PAFAH2: variants seen among roughly 807,000 people sequenced by gnomAD.
PAFAH2 encodes the protein platelet activating factor acetylhydrolase 2, also known as platelet-activating factor acetylhydrolase 2, cytoplasmic.
In PAFAH2, 42 loss-of-function variants were observed where a neutral mutation model predicts 49.0. The observed-to-expected ratio is 0.86, with a 90% CI of 0.67 to 1.11. PAFAH2 has a LOEUF of 1.11. Ranked by LOEUF, PAFAH2 falls within the 50% of genes least tolerant of loss-of-function variation. PAFAH2 has a pLI of 0.00. For synonymous variants in PAFAH2, 184 were observed against 181.3 expected, an observed-to-expected ratio of 1.01 and a Z score of -0.12; for missense variants, 503 against 501.8, an observed-to-expected ratio of 1.00 and a Z score of -0.02.
At chr1:25,974,360 A>G (rs574915423) in intron 9 of PAFAH2, 120 bp downstream of exon 9, 26 of 698,058 alleles carry the variant, frequency 3.7e-5, no homozygotes, top group South Asian at 5.8e-5. Flanking sequence ...TTTGCAATTC[A>G]GGAAGTATTC....
chr1:25,962,771 G>A lies in PAFAH2; in HGVS notation c.1085-688C>T, dbSNP rs184104766. On this transcript the variant is annotated intron_variant, in intron 10 of 10. Transcript: ENST00000374282. ...GGCAAGGAGTTGGCGGCAGTGAGCTGTGATAATGCCACTGCACTCCAACCT... is the reference window on the plus strand; with the variant it reads ...GGCAAGGAGTTGGCGGCAGTGAGCTATGATAATGCCACTGCACTCCAACCT... 8.6e-5 allele frequency among the ~76,000 whole-genome samples: 13 copies of A among 151,332 alleles called. No individual in the cohort carries two copies. In the East Asian group the frequency reaches 2.5e-3, roughly 29 times the overall value.
chr1:25,976,582 C>A, intron 8 of PAFAH2, 100 bp downstream of exon 8: 1 of 812,852 alleles, frequency 1.2e-6, no homozygotes, highest in South Asian at 1.6e-5. Flanking sequence ...ATCCTCAGTC[C>A]CTAAACAGTG....
intron 8 of PAFAH2, among the ~76,000 whole-genome samples, chr1:25,976,148 T>C (rs1460951165): frequency 2.0e-5 from 3 of 152,164 alleles, no homozygotes; most frequent in Non-Finnish European, 4.4e-5. Flanking sequence ...TGTTTTCTTT[T>C]TTCTGTTTTT....
intron 10 of PAFAH2, among the ~76,000 whole-genome samples, chr1:25,968,551 TAGA>T (rs2049462455): frequency 6.6e-6 from 1 of 152,072 alleles, no homozygotes; most frequent in Non-Finnish European, 1.5e-5. Context: ...CCAGTCTTCA[TAGA>T]AGATCATATC....
chr1:25,981,416 G>A (rs911099868), intron 7 of PAFAH2, among the ~76,000 whole-genome samples: 1 of 152,022 alleles, frequency 6.6e-6, no homozygotes, highest in Non-Finnish European at 1.5e-5. Context: ...ATCTTCATAA[G>A]CACCAAATTC....
chr1:25,970,115 G>A (rs541389612), intron 10 of PAFAH2, among the ~76,000 whole-genome samples: 1 of 152,292 alleles, frequency 6.6e-6, no homozygotes, highest in South Asian at 2.1e-4. Context: ...GCTGTTTGTT[G>A]TGCACTTGTG....
In PAFAH2 at chr1:25,982,285, CAGTT is replaced by C. The variant is rs1030840826; in HGVS notation, c.666+75_666+78del. The C allele has an allele frequency of 2.1e-5, 21 of 1,019,410 alleles. No individual in the cohort carries two copies. In the African/African-American group the frequency reaches 3.3e-4, roughly 16 times the overall value. 63.1% of individuals were successfully genotyped at this position (1,019,410 alleles called of 1,614,324 possible). A position where few individuals can be genotyped will look rare whatever the true frequency, so the allele number is the denominator to read the frequency against. On this transcript the variant is annotated intron_variant, in intron 7 of 10. Coordinates refer to ENST00000374282, the MANE Select transcript of PAFAH2 (RefSeq NM_000437.4). ...CAATCAATTCTCTTTTGGTTCATAC[CAGTT>C]AGTTAGGTTTCTGTTACTTGTAACC...
intron 10 of PAFAH2, among the ~76,000 whole-genome samples, chr1:25,970,586 T>A (rs1421552167): frequency 6.6e-6 from 1 of 152,104 alleles, no homozygotes; most frequent in Non-Finnish European, 1.5e-5. Flanking sequence ...CCACAGTTTA[T>A]CTATTTATTT....
At chr1:25,974,964 A>G (rs2049567553) in intron 8 of PAFAH2, among the ~76,000 whole-genome samples, 1 of 152,182 alleles carries the variant, frequency 6.6e-6, no homozygotes, top group Non-Finnish European at 1.5e-5. Context: ...TCATTCATTC[A>G]ACATTCATTG....
In PAFAH2 at chr1:25,959,847, C is replaced by T. The variant is rs775430730; in HGVS notation, c.*2142G>A. ...TACTAGGCCAACAACCAAGTTTCAA[C>T]AAATTTTGAAGGATGGAAACCATAT... On this transcript the variant is annotated 3_prime_UTR_variant, in exon 11 of 11. Coordinates refer to ENST00000374282, the MANE Select transcript of PAFAH2 (RefSeq NM_000437.4). The T allele has an allele frequency of 6.6e-6, 1 of 152,136 alleles. No homozygotes were observed. Among genetic ancestry groups the T allele is most frequent in the Non-Finnish European group, 1.5e-5 (1 of 68,028 alleles). The allele number at this position is 152,136 out of a possible 1,614,324, so 9.4% of individuals were successfully genotyped here.
At chr1:25,972,150 C>T (rs2049517648) in intron 10 of PAFAH2, among the ~76,000 whole-genome samples, 2 of 152,108 alleles carry the variant, frequency 1.3e-5, no homozygotes, top group East Asian at 1.9e-4. Context: ...GACTGGAGTT[C>T]AGTGGTGCAA....
rs1437704513 is a variant in PAFAH2 at position 25,974,644 on chromosome 1, C to T, written c.765G>A (p.Ala255=). 5.6e-6 allele frequency: 9 copies of T among 1,612,512 alleles called. No homozygotes were observed. The highest frequency in any genetic ancestry group is 4.5e-5 in the East Asian group (2 of 44,794). The change falls in exon 9 of 11, where the codon GCG becomes GCA. Residue 255 remains alanine, a synonymous_variant. Transcript: ENST00000374282. ...ALAKETQFRC[A]VALDAWMFPL... is the part of the protein sequence containing the mutation. ...GAAACATCCAAGCATCCAGAGCCAC[C>T]GCACACCTGGAATAGGACCAGACAT...
At chr1:25,977,885 A>T (rs2049620769) in intron 7 of PAFAH2, among the ~76,000 whole-genome samples, 1 of 152,182 alleles carries the variant, frequency 6.6e-6, no homozygotes, top group African/African-American at 2.4e-5. Context: ...CTGCCAGTGC[A>T]GGTTCTACTT....
At chr1:25,975,413 TA>T (rs112299425) in intron 8 of PAFAH2, among the ~76,000 whole-genome samples, 20 of 147,222 alleles carry the variant, frequency 1.4e-4, no homozygotes, top group South Asian at 2.1e-4. Flanking sequence ...CACCATCTCT[TA>T]AAAAAAAAAA....
intron 10 of PAFAH2, among the ~76,000 whole-genome samples, chr1:25,962,721 A>G (rs114754637): frequency 0.012 from 1,766 of 151,844 alleles, 33 homozygotes; most frequent in African/African-American, 0.038. Context: ...CCTACTCAGG[A>G]GGCCAAGACT....
In PAFAH2 at chr1:25,986,710, T is replaced by C. The variant is rs556912021; in HGVS notation, c.341+1521A>G. The stretch of plus-strand genomic sequence containing the variant: ...ACACCTGGCTAATTTCTTGTATTTT[T>C]AGTAGAGACAGGGTTTCTCCATGTT... On this transcript the variant is annotated intron_variant, in intron 4 of 10. Transcript: ENST00000374282. Among the ~76,000 whole-genome samples the C allele has an allele frequency of 1.8e-3, 268 of 152,016 alleles. 1 individual carries two copies. The highest frequency in any genetic ancestry group is 6.2e-3 in the African/African-American group (257 of 41,482).
chr1:25,990,731 A>C lies in PAFAH2; in HGVS notation c.86T>G (p.Leu29Arg). 1 of 1,613,196 alleles carries C rather than the reference A, an allele frequency of 6.2e-7. No individual in the cohort carries two copies. The highest frequency in any genetic ancestry group is 8.5e-7 in the Non-Finnish European group (1 of 1,179,306). Residue 29 changes from leucine to arginine, a missense_variant, in exon 2 of 11, where the codon CTC (leucine) becomes CGC (arginine). Transcript: ENST00000374282. ...GCGDVMEGQN[L>R]QGSFFRLFYP... ...AAGGGAGCTGGGGACACTTACCTGGAGATTCTGACCCTCCATCACATCCCC... is the reference window on the plus strand; with the variant it reads ...AAGGGAGCTGGGGACACTTACCTGGCGATTCTGACCCTCCATCACATCCCC...
At position 25,972,614 on chromosome 1, in the gene PAFAH2, T is replaced by C. The variant is rs369570980; in HGVS notation, c.1028A>G (p.Tyr343Cys). ...STETRGSLDPYEGQEVMVRAM... is the reference protein window; with the variant it reads ...STETRGSLDPCEGQEVMVRAM... ...CCGTACCATAACCTCCTGCCCTTCA[T>C]AGGGGTCCAGGCTCCCACGGGTTTC... is the stretch of plus-strand genomic sequence containing the variant. Residue 343 changes from tyrosine to cysteine, a missense_variant, in exon 10 of 11, where the codon TAT becomes TGT. By Grantham distance (194) the Tyr-to-Cys change is radical. Coordinates refer to ENST00000374282, the MANE Select transcript of PAFAH2 (RefSeq NM_000437.4). 6.2e-6 allele frequency: 10 copies of C among 1,613,924 alleles called. No individual in the cohort carries two copies. Among genetic ancestry groups the C allele is most frequent in the Admixed American group, 3.3e-5 (2 of 60,010 alleles).
intron 6 of PAFAH2, among the ~76,000 whole-genome samples, chr1:25,983,244 TGTG>T (rs926510766): frequency 6.6e-6 from 1 of 151,530 alleles, no homozygotes; most frequent in African/African-American, 2.4e-5. Flanking sequence ...AACAAAATTG[TGTG>T]GTGGTGTGTG....
Sources: allele counts gnomAD v4.1 joint callset (sites outside exome capture counted in the v4.1 genomes callset), GRCh38; gene constraint gnomAD v4.1.1; transcripts MANE v1.5; gene names NCBI Gene and HGNC (gene_info 2026-07-23, HGNC 2026-07-21).